ZYG11A: variants seen among roughly 807,000 people sequenced by gnomAD.
ZYG11A encodes the protein protein zyg-11 homolog A.
In ZYG11A, 62 loss-of-function variants were observed where a neutral mutation model predicts 77.2. The observed-to-expected ratio is 0.80, with a 90% CI of 0.65 to 0.99. The LOEUF is 0.99. Ranked by LOEUF, ZYG11A falls within the 50% of genes least tolerant of loss-of-function variation. The probability of loss-of-function intolerance (pLI) is 0.00; values close to 1 mark genes in which losing one functional copy is unlikely to be tolerated. For missense variants in ZYG11A, 828 were observed against 896.8 expected (o/e 0.92, Z 0.98); for synonymous variants, 315 against 324.6 (o/e 0.97, Z 0.32).
intron 10 of ZYG11A, among the ~76,000 whole-genome samples, chr1:52,880,654 G>A (rs1218832361): frequency 1.3e-5 from 2 of 152,206 alleles, no homozygotes; most frequent in African/African-American, 2.4e-5. Context: ...CAGTCATGAA[G>A]TAAGTGGTTG....
chr1:52,893,236 C>T lies in ZYG11A; in HGVS notation c.*279C>T. ...TGTGTTGGAACAGCTATGCAAGTTA[C>T]TTTTCTCTAGCCTTGGACAATTTTT... is the stretch of plus-strand genomic sequence containing the variant. On this transcript the variant is annotated 3_prime_UTR_variant, in exon 14 of 14. Transcript: ENST00000371528. The T allele has an allele frequency of 6.2e-6, 2 of 322,798 alleles. No individual in the cohort carries two copies. Among genetic ancestry groups the T allele is most frequent in the Non-Finnish European group, 1.1e-5 (2 of 174,608 alleles). The allele number at this position is 322,798 out of a possible 1,614,324, so 20.0% of individuals were successfully genotyped here.
At chr1:52,870,642 C>G (rs933898036) in intron 8 of ZYG11A, among the ~76,000 whole-genome samples, 5 of 152,216 alleles carry the variant, frequency 3.3e-5, no homozygotes, top group African/African-American at 9.6e-5. Context: ...GCGGATCACT[C>G]GCGGTTAGGA....
chr1:52,885,778 G>A, intron 11 of ZYG11A, 55 bp from the exon 12 acceptor site: 1 of 1,328,008 alleles, frequency 7.5e-7, no homozygotes, highest in South Asian at 1.4e-5. Context: ...GAAACATTTT[G>A]TTGTAAATGA....
rs775388966 is a variant in ZYG11A at position 52,842,989 on chromosome 1, C to CG, written c.90+19dup. The CG allele has an allele frequency of 1.5e-5, 22 of 1,504,602 alleles. No homozygotes were observed. The highest frequency in any genetic ancestry group is 1.8e-5 in the Non-Finnish European group (20 of 1,127,446). The allele number at this position is 1,504,602 out of a possible 1,614,324, so 93.2% of individuals were successfully genotyped here. On this transcript the variant is annotated intron_variant, in intron 1 of 13. Coordinates refer to ENST00000371528, the MANE Select transcript of ZYG11A (RefSeq NM_001004339.3). The stretch of plus-strand genomic sequence containing the variant: ...CGTGGTACAGGTGAGCACCGGGGTG[C>CG]GGGCGGCGACGCGGACCTCGGCGCC...
At position 52,857,301 on chromosome 1, in the gene ZYG11A, G is replaced by A. The variant is rs1645831858; in HGVS notation, c.560G>A (p.Ser187Asn). ...CAGCTCACTGGTCTTCGCATTTTAAGTGTTTTTAATGTTTGTTTTCATACT... is the reference window on the plus strand; with the variant it reads ...CAGCTCACTGGTCTTCGCATTTTAAATGTTTTTAATGTTTGTTTTCATACT... ...FSQLTGLRIL[S>N]VFNVCFHTED... Residue 187 changes from serine (S) to asparagine (N), a missense_variant, in exon 3 of 14, where the codon AGT becomes AAT. Transcript: ENST00000371528. The A allele has an allele frequency of 6.4e-7, 1 of 1,551,868 alleles. No individual in the cohort carries two copies. Among genetic ancestry groups the A allele is most frequent in the South Asian group, 1.2e-5 (1 of 84,070 alleles).
At chr1:52,881,412 A>G (rs1646359337) in intron 10 of ZYG11A, 59 bp from the exon 11 acceptor site, 1 of 1,308,058 alleles carries the variant, frequency 7.6e-7, no homozygotes, top group Admixed American at 2.9e-5. Context: ...AAAAAAGCCA[A>G]TTCCTGATTC....
chr1:52,879,236 G>A (rs1278852039), intron 10 of ZYG11A, among the ~76,000 whole-genome samples: 1 of 152,152 alleles, frequency 6.6e-6, no homozygotes, highest in African/African-American at 2.4e-5. Context: ...GGAAAAATAC[G>A]GATGCATGAA....
chr1:52,871,054 A>C (rs1646153963), intron 8 of ZYG11A, among the ~76,000 whole-genome samples: 2 of 152,228 alleles, frequency 1.3e-5, no homozygotes, highest in African/African-American at 4.8e-5. Context: ...AGTTGAATTC[A>C]TTCTGTTTTA....
Position 52,881,504 on chromosome 1 carries a change from A to G in ZYG11A, c.1783A>G (p.Lys595Glu), listed in dbSNP as rs770063288. 1 of 1,551,456 alleles carries G rather than the reference A, an allele frequency of 6.4e-7. No individual in the cohort carries two copies. Among genetic ancestry groups the G allele is most frequent in the East Asian group, 2.4e-5 (1 of 40,928 alleles). Residue 595 changes from lysine (K) to glutamate (E), a missense_variant, in exon 11 of 14, where the codon AAG becomes GAG. Lys to Glu is a moderately conservative substitution (Grantham distance 56). Coordinates refer to ENST00000371528, the MANE Select transcript of ZYG11A (RefSeq NM_001004339.3). The stretch of plus-strand genomic sequence containing the variant: ...AGCAGAAGTCAGAGAGCTCTCTTCC[A>G]AGCTGGTGACCGAAGATGTGCTGAA... ...NIAEVRELSSKLVTEDVLKHI... is the reference protein window; with the variant it reads ...NIAEVRELSSELVTEDVLKHI...
rs1239798519 is a variant in ZYG11A at position 52,842,767 on chromosome 1, C to T, written c.-117C>T. ...TCGCCGGCAGGGCGCGGCGCTAGCT[C>T]CGTGTGCCTCGCAGGCGTGGTGGGC... On this transcript the variant is annotated 5_prime_UTR_variant, in exon 1 of 14. Transcript: ENST00000371528. The T allele has an allele frequency of 6.1e-6, 6 of 985,116 alleles. No individual in the cohort carries two copies. The highest frequency in any genetic ancestry group is 5.9e-5 in the Admixed American group (2 of 33,830). 61.0% of individuals were successfully genotyped at this position (985,116 alleles called of 1,614,324 possible). A position where few individuals can be genotyped will look rare whatever the true frequency, so the allele number is the denominator to read the frequency against.
intron 8 of ZYG11A, among the ~76,000 whole-genome samples, chr1:52,869,973 C>G (rs900887627): frequency 6.7e-6 from 1 of 149,562 alleles, no homozygotes; most frequent in East Asian, 2.0e-4. Flanking sequence ...GACCCCCCCC[C>G]ACCCCCCTCC....
chr1:52,870,154 G>A (rs142760113), intron 8 of ZYG11A, among the ~76,000 whole-genome samples: 12 of 142,748 alleles, frequency 8.4e-5, no homozygotes, highest in African/African-American at 1.8e-4. Context: ...ATGGGCAGCC[G>A]GGCAGAGACG....
At chr1:52,856,346 C>T (rs1400306248) in intron 2 of ZYG11A, among the ~76,000 whole-genome samples, 1 of 151,292 alleles carries the variant, frequency 6.6e-6, no homozygotes, top group Admixed American at 6.6e-5. Flanking sequence ...TGCCTGTAGT[C>T]CCAGCTACTT....
chr1:52,878,857 T>C (rs146285200), intron 10 of ZYG11A, among the ~76,000 whole-genome samples: 1,694 of 146,282 alleles, frequency 0.012, 17 homozygotes, highest in African/African-American at 0.025. Flanking sequence ...GAGAATTGCT[T>C]GAACCTGGGA....
intron 8 of ZYG11A, among the ~76,000 whole-genome samples, chr1:52,877,014 A>G (rs1330395260): frequency 1.3e-5 from 2 of 152,152 alleles, no homozygotes; most frequent in Non-Finnish European, 1.5e-5. Flanking sequence ...ATGTGAGGTC[A>G]TGTGATGGAA....
At position 52,854,515 on chromosome 1, in the gene ZYG11A, T is replaced by A; in HGVS notation, c.141T>A (p.Ile47=). The part of the protein sequence containing the change: ...TLVNICLNVL[I]ANLEKLCSER... ...TCAACATCTGCCTGAATGTCCTGAT[T>A]GCTAACCTGGAGAAATTGTGTTCTG... Residue 47 remains isoleucine, a synonymous_variant, in exon 2 of 14, where the codon ATT becomes ATA. Coordinates refer to ENST00000371528, the MANE Select transcript of ZYG11A (RefSeq NM_001004339.3). 1 of 1,551,586 alleles carries A rather than the reference T, an allele frequency of 6.4e-7. No homozygotes were observed. The highest frequency in any genetic ancestry group is 8.7e-7 in the Non-Finnish European group (1 of 1,146,674).
At chr1:52,862,037 C>T (rs1023578032) in intron 4 of ZYG11A, among the ~76,000 whole-genome samples, 10 of 151,838 alleles carry the variant, frequency 6.6e-5, no homozygotes, top group African/African-American at 1.4e-4. Flanking sequence ...GGTAGAACCC[C>T]GTCTCTACTA....
In ZYG11A at chr1:52,857,515, G is replaced by A. The variant is rs1377941174; in HGVS notation, c.774G>A (p.Leu258=). ...CAGTCATTAGAGAACTTAAATGTCT[G>A]CTTCACCTTGATATTTCTGATCACA... ...ILAVIRELKC[L]LHLDISDHRQ... Residue 258 remains leucine, a synonymous_variant, in exon 3 of 14, where the codon CTG becomes CTA. Coordinates refer to ENST00000371528, the MANE Select transcript of ZYG11A (RefSeq NM_001004339.3). The A allele has an allele frequency of 6.4e-7, 1 of 1,552,122 alleles. No homozygotes were observed. Among genetic ancestry groups the A allele is most frequent in the South Asian group, 1.2e-5 (1 of 84,056 alleles).
chr1:52,876,558 T>C (rs1192238736), intron 8 of ZYG11A, among the ~76,000 whole-genome samples: 1 of 152,152 alleles, frequency 6.6e-6, no homozygotes, highest in East Asian at 1.9e-4. Context: ...TTATTTTGAG[T>C]ATCATTAAGC....
Sources: allele counts gnomAD v4.1 joint callset (sites outside exome capture counted in the v4.1 genomes callset), GRCh38; gene constraint gnomAD v4.1.1; transcripts MANE v1.5; gene names NCBI Gene and HGNC (gene_info 2026-07-23, HGNC 2026-07-21).